The following WWOX variants were observed in gnomAD, a reference collection of about 807,000 sequenced individuals.
WWOX encodes the protein WW domain-containing oxidoreductase.
Under a neutral mutation model 46.2 loss-of-function variants are expected in WWOX, and 69 were observed. The ratio of observed to expected loss-of-function variants is 1.49; its 90% confidence interval spans 1.23 to 1.82. WWOX has a LOEUF of 1.82. Among genes scored for constraint, WWOX ranks in the 40% most tolerant of loss-of-function variants. The probability of loss-of-function intolerance (pLI) is 0.00; values close to 1 mark genes in which losing one functional copy is unlikely to be tolerated. For missense variants in WWOX, 919 were observed against 542.6 expected (o/e 1.69, Z -6.89); for synonymous variants, 359 against 202.6 (o/e 1.77, Z -6.56).
chr16:79,168,311 A>G (rs1013485532), intron 8 of WWOX, among the ~76,000 whole-genome samples: 1 of 152,202 alleles, frequency 6.6e-6, no homozygotes, highest in African/African-American at 2.4e-5. Context: ...ACAAACTGCT[A>G]TCCACAGTGG....
chr16:78,845,020 C>T (rs1002585862), intron 8 of WWOX, among the ~76,000 whole-genome samples: 3 of 152,150 alleles, frequency 2.0e-5, no homozygotes, highest in African/African-American at 2.4e-5. Context: ...GCGGACACAG[C>T]GCAGTGAAGC....
At chr16:79,204,809 A>C (rs1013222342) in intron 8 of WWOX, 3 of 152,160 alleles carry the variant, frequency 2.0e-5, no homozygotes, top group African/African-American at 7.2e-5. Flanking sequence ...AAGTTTTAGG[A>C]AAGAATTCTT....
chr16:78,290,342 T>C lies in WWOX; in HGVS notation c.517-96518T>C, dbSNP rs2079841569. On this transcript the variant is annotated intron_variant, in intron 5 of 8. Transcript: ENST00000566780. ...TAAAGTTAAGATGCTTGAGAATGGC[T>C]TTACCATTAATCTAGAAACATAGAG... Among the ~76,000 whole-genome samples, 8 of 137,450 alleles carry C rather than the reference T, an allele frequency of 5.8e-5. No homozygotes were observed. In the Admixed American group the frequency reaches 6.7e-4, roughly 12 times the overall value. The allele number at this position is 137,450 out of a possible 152,430, so 90.2% of individuals were successfully genotyped here.
chr16:78,596,383 G>A (rs531620425), intron 8 of WWOX, among the ~76,000 whole-genome samples: 17 of 152,250 alleles, frequency 1.1e-4, no homozygotes, highest in Admixed American at 5.2e-4. Flanking sequence ...TGGGGAAGGT[G>A]TACATCAGTG....
At chr16:79,112,366 G>A (rs1299120816) in intron 8 of WWOX, among the ~76,000 whole-genome samples, 1 of 152,140 alleles carries the variant, frequency 6.6e-6, no homozygotes, top group Non-Finnish European at 1.5e-5. Flanking sequence ...GACCAAAAGA[G>A]CCAGAGAGTT....
At chr16:78,933,700 G>A (rs1199122753) in intron 8 of WWOX, among the ~76,000 whole-genome samples, 1 of 152,188 alleles carries the variant, frequency 6.6e-6, no homozygotes, top group African/African-American at 2.4e-5. Flanking sequence ...AGGAGAGCTT[G>A]TGTAGGGAAA....
chr16:78,532,102 T>A (rs1387669361), intron 8 of WWOX, among the ~76,000 whole-genome samples: 1 of 147,908 alleles, frequency 6.8e-6, no homozygotes, highest in Non-Finnish European at 1.5e-5. Flanking sequence ...CATTTGGGAG[T>A]GGAAGAGCTG....
chr16:78,708,854 T>C (rs1379559073), intron 8 of WWOX, among the ~76,000 whole-genome samples: 1 of 152,238 alleles, frequency 6.6e-6, no homozygotes, highest in Non-Finnish European at 1.5e-5. Context: ...AGCAAAGGGC[T>C]TGTATGCAAA....
At chr16:78,976,262 A>G (rs1202147566) in intron 8 of WWOX, among the ~76,000 whole-genome samples, 3 of 152,212 alleles carry the variant, frequency 2.0e-5, no homozygotes, top group Admixed American at 2.0e-4. Flanking sequence ...TCTTACCAGC[A>G]TCTTGTGAAA....
rs150043436 is a variant in WWOX, at chr16:78,935,372, A to C, written c.1057-276236A>C. Reference sequence around the variant, plus strand: ...ACCAACTCAGATGTTCATCAATGATAGACTGGATTAAGAAAATGTGGCACA... The same window carrying C: ...ACCAACTCAGATGTTCATCAATGATCGACTGGATTAAGAAAATGTGGCACA... On this transcript the variant is annotated intron_variant, in intron 8 of 8. Coordinates refer to ENST00000566780, the MANE Select transcript of WWOX (RefSeq NM_016373.4). Among the ~76,000 whole-genome samples the C allele has an allele frequency of 4.6e-3, 704 of 152,320 alleles. 7 individuals carry two copies. The highest frequency in any genetic ancestry group is 0.016 in the African/African-American group (676 of 41,564).
At position 78,199,267 on chromosome 16, in the gene WWOX, C is replaced by T. The variant is rs141894914; in HGVS notation, c.516+34978C>T. On this transcript the variant is annotated intron_variant, in intron 5 of 8. Transcript: ENST00000566780. ...GGCGGAGGTTGCAGTGAGCCCAGAT[C>T]GCACCACTGCACTCCAGCCTGGGTG... is the stretch of plus-strand genomic sequence containing the variant. 3.3e-5 allele frequency among the ~76,000 whole-genome samples: 5 copies of T among 152,186 alleles called. No individual in the cohort carries two copies. The East Asian group carries it at 5.8e-4, about 18-fold the overall frequency.
chr16:78,294,654 G>C lies in WWOX; in HGVS notation c.517-92206G>C, dbSNP rs112345002. On this transcript the variant is annotated intron_variant, in intron 5 of 8. Coordinates refer to ENST00000566780, the MANE Select transcript of WWOX (RefSeq NM_016373.4). ...GATAGTCTAAATACAGCTATCTATTGCAAATCTTATAATGTGACTCCATGA... is the reference window on the plus strand; with the variant it reads ...GATAGTCTAAATACAGCTATCTATTCCAAATCTTATAATGTGACTCCATGA... Among the ~76,000 whole-genome samples the C allele has an allele frequency of 4.5e-5, 6 of 133,578 alleles. 1 individual carries two copies. Among genetic ancestry groups the C allele is most frequent in the African/African-American group, 1.3e-4 (5 of 37,310 alleles). 87.6% of individuals were successfully genotyped at this position (133,578 alleles called of 152,430 possible).
At chr16:78,401,058 G>A (rs575639893) in intron 6 of WWOX, among the ~76,000 whole-genome samples, 73 of 152,184 alleles carry the variant, frequency 4.8e-4, no homozygotes, top group Non-Finnish European at 9.6e-4. Flanking sequence ...GGAATCAAGT[G>A]ATCCTCCTGC....
intron 8 of WWOX, among the ~76,000 whole-genome samples, chr16:78,773,160 G>C (rs2050105882): frequency 6.6e-6 from 1 of 152,162 alleles, no homozygotes. Flanking sequence ...GATTTTGTCG[G>C]TATCCTAAGC....
chr16:78,336,681 G>C (rs2080896907), intron 5 of WWOX, among the ~76,000 whole-genome samples: 1 of 152,056 alleles, frequency 6.6e-6, no homozygotes, highest in African/African-American at 2.4e-5. Context: ...GGGGAACATA[G>C]ACCCAGAGCT....
intron 8 of WWOX, among the ~76,000 whole-genome samples, chr16:78,450,362 T>G (rs1451870377): frequency 1.3e-5 from 2 of 152,242 alleles, no homozygotes; most frequent in Admixed American, 6.5e-5. Flanking sequence ...TGGTGTTTGT[T>G]CAGCTGGATA....
intron 8 of WWOX, among the ~76,000 whole-genome samples, chr16:79,014,895 T>C (rs183009056): frequency 6.6e-6 from 1 of 152,348 alleles, no homozygotes; most frequent in East Asian, 1.9e-4. Flanking sequence ...CAATGAGCAT[T>C]TATTTACTGA....
At chr16:78,188,144 C>T (rs1201654150) in intron 5 of WWOX, among the ~76,000 whole-genome samples, 1 of 152,072 alleles carries the variant, frequency 6.6e-6, no homozygotes, top group Non-Finnish European at 1.5e-5. Context: ...TAAATCAATA[C>T]AGTTATATTT....
At chr16:78,108,348 A>G in intron 1 of WWOX, 75 bp from the exon 2 acceptor site, 1 of 1,490,402 alleles carries the variant, frequency 6.7e-7, no homozygotes, top group Non-Finnish European at 9.2e-7. Flanking sequence ...GGGAGAGAAA[A>G]AATTTAATAC....
Sources: gnomAD v4.1 joint callset for allele counts (sites outside exome capture counted in the v4.1 genomes callset) on GRCh38, gnomAD v4.1.1 for gene constraint, MANE v1.5 for transcripts, NCBI Gene and HGNC (gene_info 2026-07-23, HGNC 2026-07-21) for gene names.